The following UBFD1 variants were observed in gnomAD, a reference collection of about 807,000 sequenced individuals.
UBFD1 encodes the protein ubiquitin family domain containing 1.
A neutral mutation model predicts 35.1 loss-of-function variants in UBFD1; 12 were observed. The ratio of observed to expected loss-of-function variants is 0.34; its 90% CI spans 0.22 to 0.55. The LOEUF is 0.55. UBFD1 is among the 20% of genes least tolerant of loss of function. The pLI is 0.89. For missense variants in UBFD1, 337 were observed against 410.8 expected, an observed-to-expected ratio of 0.82 and a Z score of 1.55; for synonymous variants, 178 against 167.6, an observed-to-expected ratio of 1.06 and a Z score of -0.48.
At chr16:23,567,151 T>A in intron 6 of UBFD1, 82 bp downstream of exon 6, 2 of 1,347,388 alleles carry the variant, frequency 1.5e-6, no homozygotes, top group Non-Finnish European at 2.1e-6. Flanking sequence ...TGAGCTTGTT[T>A]AACGGAAGAA....
chr16:23,559,332 A>G lies in UBFD1; in HGVS notation c.356-136A>G, dbSNP rs1039974720. 2.6e-5 allele frequency: 19 copies of G among 723,762 alleles called. No individual in the cohort carries two copies. The African/African-American group carries it at 3.2e-4, about 12-fold the overall frequency. 44.8% of individuals were successfully genotyped at this position (723,762 alleles called of 1,614,324 possible). A position where few individuals can be genotyped will look rare whatever the true frequency, so the allele number is the denominator to read the frequency against. The stretch of plus-strand genomic sequence containing the variant: ...AGAAACTGAGGTTCAGAGGTTGTAA[A>G]TCTCCCAAGTTCACAAAGCTAATAG... On this transcript the variant is annotated intron_variant, in intron 2 of 6. Transcript: ENST00000395878.
At chr16:23,568,251 C>G (rs1448623130) in intron 6 of UBFD1, among the ~76,000 whole-genome samples, 3 of 151,410 alleles carry the variant, frequency 2.0e-5, no homozygotes, top group South Asian at 4.2e-4. Context: ...CCTCTGCCTC[C>G]CAGGTTCAGG....
chr16:23,557,990 G>A lies in UBFD1; in HGVS notation c.66G>A (p.Val22=), dbSNP rs771559898. The A allele has an allele frequency of 2.2e-6, 3 of 1,370,338 alleles. No homozygotes were observed. Among genetic ancestry groups the A allele is most frequent in the Non-Finnish European group, 2.8e-6 (3 of 1,065,234 alleles). The allele number at this position is 1,370,338 out of a possible 1,614,324, so 84.9% of individuals were successfully genotyped here. The change falls in exon 2 of 7, where the codon GTG becomes GTA. Residue 22 remains valine (V), a synonymous_variant. Transcript: ENST00000395878. ...EPGMDTEAET[V]ATEAPARPVN... ...GCATGGACACGGAGGCCGAGACTGT[G>A]GCTACTGAGGCTCCCGCGCGGCCCG...
rs1207949652 is a variant in UBFD1, at chr16:23,574,324, A to T, written c.*3734A>T. 6.6e-6 allele frequency: 1 copy of T among 152,370 alleles called. No individual in the cohort carries two copies. Among genetic ancestry groups the T allele is most frequent in the Non-Finnish European group, 1.5e-5 (1 of 67,968 alleles). 9.4% of individuals were successfully genotyped at this position (152,370 alleles called of 1,614,324 possible). A position where few individuals can be genotyped will look rare whatever the true frequency, so the allele number is the denominator to read the frequency against. ...TGCTGGATTTTTTTTTTAAAGTGTA[A>T]CCTTGAATAGCTGTCTTATTGTTTA... On this transcript the variant is annotated 3_prime_UTR_variant, in exon 7 of 7. Transcript: ENST00000395878.
chr16:23,570,430 T>C (rs2142222120), intron 6 of UBFD1, 50 bp from the exon 7 acceptor site: 1 of 1,380,172 alleles, frequency 7.2e-7, no homozygotes, highest in Non-Finnish European at 1.0e-6. Flanking sequence ...CCTGCCTGCT[T>C]GGTCTCCCGA....
chr16:23,569,423 C>A (rs767211692), intron 6 of UBFD1: 2 of 152,024 alleles, frequency 1.3e-5, no homozygotes, highest in African/African-American at 4.8e-5. Flanking sequence ...GGCATGGTGG[C>A]GCGCACCTGT....
At chr16:23,561,928 G>T (rs923931156) in intron 3 of UBFD1, 10 of 304,036 alleles carry the variant, frequency 3.3e-5, no homozygotes, top group African/African-American at 6.5e-5. Context: ...TGGTTAAAAT[G>T]AAATTAAGAA....
chr16:23,562,498 C>G, intron 4 of UBFD1, 127 bp from the exon 5 acceptor site: 1 of 880,862 alleles, frequency 1.1e-6, no homozygotes. Context: ...CAACTCCTGA[C>G]CTCAGGTGAT....
chr16:23,558,429 C>T (rs910857051), intron 2 of UBFD1, 150 bp downstream of exon 2: 22 of 1,045,072 alleles, frequency 2.1e-5, no homozygotes, highest in Non-Finnish European at 2.8e-5. Context: ...CATTACTCAG[C>T]TGGGGAAAGA....
In UBFD1 at chr16:23,570,612, A is replaced by G; in HGVS notation, c.*22A>G. On this transcript the variant is annotated 3_prime_UTR_variant, in exon 7 of 7. Transcript: ENST00000395878. Reference sequence around the variant, plus strand: ...TTGAAAGCACTTTCACCTCTGGCCCAGGAGACTGACCCAAAGTGAAGGACA... The same window carrying G: ...TTGAAAGCACTTTCACCTCTGGCCCGGGAGACTGACCCAAAGTGAAGGACA... 1 of 1,600,558 alleles carries G rather than the reference A, an allele frequency of 6.2e-7. No individual in the cohort carries two copies. Among genetic ancestry groups the G allele is most frequent in the Middle Eastern group, 1.7e-4 (1 of 6,030 alleles).
rs1274757055 is a variant in UBFD1 at position 23,573,798 on chromosome 16, C to A, written c.*3208C>A. The stretch of plus-strand genomic sequence containing the variant: ...CTGGAGGAGCCATTCTGGGCTCTTG[C>A]ACTTGCCCAGCCTTTCTTTGCCAGG... On this transcript the variant is annotated 3_prime_UTR_variant, in exon 7 of 7. Transcript: ENST00000395878. 1 of 152,658 alleles carries A rather than the reference C, an allele frequency of 6.6e-6. No homozygotes were observed. The allele number at this position is 152,658 out of a possible 1,614,324, so 9.5% of individuals were successfully genotyped here.
Position 23,572,233 on chromosome 16 carries a change from T to G in UBFD1, c.*1643T>G, listed in dbSNP as rs552197846. ...CAGGAAAATCTACTCTTTGCTTTTT[T>G]GGGGGCAATTAGTACATTTGTGAAG... On this transcript the variant is annotated 3_prime_UTR_variant, in exon 7 of 7. Coordinates refer to ENST00000395878, the MANE Select transcript of UBFD1 (RefSeq NM_019116.3). 5.9e-5 allele frequency: 9 copies of G among 152,746 alleles called. No individual in the cohort carries two copies. Among genetic ancestry groups the G allele is most frequent in the Non-Finnish European group, 8.8e-5 (6 of 68,034 alleles). 9.5% of individuals were successfully genotyped at this position (152,746 alleles called of 1,614,324 possible). A position where few individuals can be genotyped will look rare whatever the true frequency, so the allele number is the denominator to read the frequency against.
chr16:23,562,266 G>T lies in UBFD1; in HGVS notation c.625G>T (p.Ala209Ser). The T allele has an allele frequency of 6.2e-7, 1 of 1,613,886 alleles. No homozygotes were observed. The highest frequency in any genetic ancestry group is 8.5e-7 in the Non-Finnish European group (1 of 1,179,914). The change falls in exon 4 of 7, where the codon GCC becomes TCC. Residue 209 changes from alanine to serine, a missense_variant. Transcript: ENST00000395878. ...AGATGTGATGCCATCTGTTAAGGGG[G>T]CCCAGGTAAGGCGGATTTCTTTGTG... ...PEDVMPSVKG[A>S]QERLPTVPLS...
chr16:23,573,040 T>C lies in UBFD1; in HGVS notation c.*2450T>C, dbSNP rs8046838. 12,558 of 152,288 alleles carry C rather than the reference T, an allele frequency of 0.082. 922 individuals carry two copies. Among genetic ancestry groups the C allele is most frequent in the African/African-American group, 0.19 (7,984 of 41,542 alleles). 9.4% of individuals were successfully genotyped at this position (152,288 alleles called of 1,614,324 possible). On this transcript the variant is annotated 3_prime_UTR_variant, in exon 7 of 7. Transcript: ENST00000395878. The stretch of plus-strand genomic sequence containing the variant: ...TTGAGTTCCGTAAGCAGTCTCTTCA[T>C]ACATTTCTTACAGTCTGGAGTGTAC...
chr16:23,557,824 C>G, intron 1 of UBFD1, 57 bp downstream of exon 1: 1 of 1,279,594 alleles, frequency 7.8e-7, no homozygotes, highest in Non-Finnish European at 9.9e-7. Context: ...GGTCGCTCCT[C>G]TGGGGGATGC....
At position 23,559,621 on chromosome 16, in the gene UBFD1, C is replaced by A; in HGVS notation, c.509C>A (p.Ala170Glu). Reference sequence around the variant, plus strand: ...GCAGTAAACACACCCAAAGATGCTGCGCAGCAGGATGCAAAGGCCGAAGAG... The same window carrying A: ...GCAGTAAACACACCCAAAGATGCTGAGCAGCAGGATGCAAAGGCCGAAGAG... ...VLAVNTPKDA[A>E]QQDAKAEENK... Residue 170 changes from alanine to glutamate, a missense_variant, in exon 3 of 7, where the codon GCG (alanine) becomes GAG (glutamate). Physicochemically the swap from Ala to Glu is moderately radical, Grantham distance 107. Around this residue, in one of 4 missense-constraint regions of UBFD1, gnomAD observed 44 missense variants for 39.2 expected, o/e 1.12. Transcript: ENST00000395878. 1 of 1,614,236 alleles carries A rather than the reference C, an allele frequency of 6.2e-7. No homozygotes were observed. The highest frequency in any genetic ancestry group is 1.3e-5 in the African/African-American group (1 of 75,062).
intron 6 of UBFD1, chr16:23,569,333 C>T (rs367862609): frequency 1.3e-5 from 2 of 152,152 alleles, no homozygotes; most frequent in East Asian, 1.9e-4. Flanking sequence ...GTGGGTGAGT[C>T]ACTTGAGGTC....
At chr16:23,562,388 G>GCAAGAC in intron 4 of UBFD1, 117 bp downstream of exon 4, 1 of 929,156 alleles carries the variant, frequency 1.1e-6, no homozygotes, top group Non-Finnish European at 1.6e-6. Flanking sequence ...TTGAGACAGA[G>GCAAGAC]TCTTGCTCTG....
intron 3 of UBFD1, chr16:23,559,918 G>A: frequency 1.3e-6 from 2 of 1,493,922 alleles, no homozygotes; most frequent in South Asian, 2.5e-5. Flanking sequence ...TTGGTAAAGG[G>A]AGGCTTCAGA....
Sources: gnomAD v4.1 joint callset for allele counts (sites outside exome capture counted in the v4.1 genomes callset) on GRCh38, gnomAD v4.1.1 for gene constraint, gnomAD v4.1.1 regional missense constraint, MANE v1.5 for transcripts, NCBI Gene and HGNC (gene_info 2026-07-23, HGNC 2026-07-21) for gene names.